Variants in DAB2IP observed in about 807,000 individuals in gnomAD.
DAB2IP encodes DAB2 interacting protein.
DAB2IP carries 28 observed loss-of-function variants against 107.2 expected under a neutral mutation model. The observed-to-expected ratio is 0.26, with a 90% CI of 0.19 to 0.36. The LOEUF is 0.36. Ranked by LOEUF, DAB2IP falls within the 10% of genes least tolerant of loss-of-function variation. The pLI, the probability that DAB2IP is intolerant of heterozygous loss-of-function variation, is 1.00. For synonymous variants in DAB2IP, 755 were observed against 706.4 expected (o/e 1.07, Z -1.09); for missense variants, 1,400 against 1,644.7 (o/e 0.85, Z 2.57).
rs912773896 is a variant in DAB2IP at position 121,633,921 on chromosome 9, G to A, written c.41-44757G>A. Among the ~76,000 whole-genome samples, 1 of 152,178 alleles carries A rather than the reference G, an allele frequency of 6.6e-6. No homozygotes were observed. The highest frequency in any genetic ancestry group is 1.5e-5 in the Non-Finnish European group (1 of 68,020). ...TCTTGGAGTCCTATTCAAAGGCTTG[G>A]CCCAGATGCCACCTCCTCTGTGAAG... On this transcript the variant is annotated intron_variant, in intron 1 of 16. Transcript: ENST00000259371. The surrounding 1 kb of genome is among the most constrained non-coding windows in gnomAD (Gnocchi z 5.1).
intron 1 of DAB2IP, among the ~76,000 whole-genome samples, chr9:121,644,417 C>T (rs1022089454): frequency 2.6e-4 from 39 of 151,726 alleles, no homozygotes; most frequent in Admixed American, 2.0e-3. Flanking sequence ...GCCAACATGG[C>T]GAAACCCCGT....
chr9:121,758,496 G>T (rs936541270), intron 4 of DAB2IP, among the ~76,000 whole-genome samples: 2 of 152,198 alleles, frequency 1.3e-5, no homozygotes, highest in African/African-American at 4.8e-5. Flanking sequence ...CTTGGTTCTT[G>T]TGGTTCCGCC....
intron 2 of DAB2IP, among the ~76,000 whole-genome samples, chr9:121,693,635 G>A (rs1829273343): frequency 6.6e-6 from 1 of 152,234 alleles, no homozygotes. Flanking sequence ...TCCATCCTGA[G>A]TACTGTCTTG....
intron 1 of DAB2IP, among the ~76,000 whole-genome samples, chr9:121,627,635 G>A (rs1831710450): frequency 6.6e-6 from 1 of 152,052 alleles, no homozygotes. Flanking sequence ...ATGAAGAGCG[G>A]GGCTGGGCTA....
In DAB2IP at chr9:121,599,969, T is replaced by C. The variant is rs1830638162; in HGVS notation, c.40+32741T>C. Among the ~76,000 whole-genome samples, 1 of 152,082 alleles carries C rather than the reference T, an allele frequency of 6.6e-6. No homozygotes were observed. ...CCCGCAAGGAAATCTGCGCGATGCA[T>C]TGAGCCTTTAAACTTTCCTGTGCGC... On this transcript the variant is annotated intron_variant, in intron 1 of 16. Coordinates refer to the DAB2IP transcript ENST00000259371. The surrounding 1 kb of genome is among the most constrained non-coding windows in gnomAD (Gnocchi z 6.9).
rs540881838 is a variant in DAB2IP at position 121,684,502 on chromosome 9, T to C, written c.228+5721T>C. The stretch of plus-strand genomic sequence containing the variant: ...TGGGTGTTCTTTGGTCCAACTGCCC[T>C]CGGAGCCCCACGACAGCTCCTTCCC... On this transcript the variant is annotated intron_variant, in intron 2 of 15. Coordinates refer to ENST00000408936, the Ensembl canonical transcript of DAB2IP. The surrounding 1 kb of genome is among the most constrained non-coding windows in gnomAD (Gnocchi z 4.0). Among the ~76,000 whole-genome samples, 1 of 152,284 alleles carries C rather than the reference T, an allele frequency of 6.6e-6. No homozygotes were observed. The highest frequency in any genetic ancestry group is 1.9e-4 in the East Asian group (1 of 5,166).
intron 14 of DAB2IP, among the ~76,000 whole-genome samples, chr9:121,777,914 C>T (rs1010125298): frequency 1.3e-5 from 2 of 152,160 alleles, no homozygotes; most frequent in Non-Finnish European, 2.9e-5. Flanking sequence ...TGAAATCTGC[C>T]TTGTCTGCTA....
At chr9:121,741,266 G>T (rs1238625627) in intron 3 of DAB2IP, among the ~76,000 whole-genome samples, 1 of 152,214 alleles carries the variant, frequency 6.6e-6, no homozygotes, top group African/African-American at 2.4e-5. Context: ...TCTGCAACAG[G>T]CGTGTAGGGT....
chr9:121,578,834 A>T (rs1251876423), intron 1 of DAB2IP, among the ~76,000 whole-genome samples: 3 of 137,592 alleles, frequency 2.2e-5, no homozygotes, highest in African/African-American at 8.4e-5. Context: ...TCCACCTCCC[A>T]GGTTCAAGCT....
At chr9:121,773,094 T>A (rs1834892834) in exon 12 of DAB2IP, 1 of 1,612,374 alleles carries the variant, frequency 6.2e-7, no homozygotes, top group African/African-American at 1.3e-5. Flanking sequence ...GGGCCACAGC[T>A]CCCTGAGCTC....
At chr9:121,603,317 T>G (rs1403593481) in intron 1 of DAB2IP, among the ~76,000 whole-genome samples, 2 of 152,200 alleles carry the variant, frequency 1.3e-5, no homozygotes, top group Non-Finnish European at 2.9e-5. Context: ...GGTGGAGGAA[T>G]CGCCTGCATA....
chr9:121,662,895 A>G lies in DAB2IP; in HGVS notation c.124+10996A>G, dbSNP rs1013830033. ...ATGCCAGCTCTCTGCCAGCCCTGGAATGGGCCCTGCAGATGCAGAGAAAAG... is the reference window on the plus strand; with the variant it reads ...ATGCCAGCTCTCTGCCAGCCCTGGAGTGGGCCCTGCAGATGCAGAGAAAAG... On this transcript the variant is annotated intron_variant, in intron 1 of 15. Transcript: ENST00000408936. The surrounding 1 kb of genome is among the most constrained non-coding windows in gnomAD (Gnocchi z 4.6). Among the ~76,000 whole-genome samples the G allele has an allele frequency of 6.6e-6, 1 of 152,224 alleles. No individual in the cohort carries two copies. Among genetic ancestry groups the G allele is most frequent in the Admixed American group, 6.5e-5 (1 of 15,278 alleles).
chr9:121,612,243 G>A (rs530181624), intron 1 of DAB2IP, among the ~76,000 whole-genome samples: 132 of 152,144 alleles, frequency 8.7e-4, no homozygotes, highest in African/African-American at 3.0e-3. Context: ...GCTTAAGTCC[G>A]GGAGGAGGTT....
At chr9:121,753,766 T>TC (rs1833292197) in intron 3 of DAB2IP, among the ~76,000 whole-genome samples, 1 of 152,192 alleles carries the variant, frequency 6.6e-6, no homozygotes, top group African/African-American at 2.4e-5. Flanking sequence ...AGGCATCCCT[T>TC]CCTGGGAGTG....
At chr9:121,577,952 A>G (rs1830103052) in intron 1 of DAB2IP, among the ~76,000 whole-genome samples, 1 of 152,074 alleles carries the variant, frequency 6.6e-6, no homozygotes, top group Non-Finnish European at 1.5e-5. Flanking sequence ...TCCTGCCTCC[A>G]GGCGGGGGTA....
In DAB2IP at chr9:121,750,721, A is replaced by G. The variant is rs565802939; in HGVS notation, c.363-6292A>G. Among the ~76,000 whole-genome samples, 16 of 152,194 alleles carry G rather than the reference A, an allele frequency of 1.1e-4. No individual in the cohort carries two copies. The South Asian group carries it at 1.2e-3, about 12-fold the overall frequency. ...TCAAGTAGGGATTTTTAATTACTGTAAGTTTCGGTTTGGGGTCCTTTCCCT... is the reference window on the plus strand; with the variant it reads ...TCAAGTAGGGATTTTTAATTACTGTGAGTTTCGGTTTGGGGTCCTTTCCCT... On this transcript the variant is annotated intron_variant, in intron 3 of 15. Coordinates refer to ENST00000408936, the Ensembl canonical transcript of DAB2IP.
chr9:121,725,747 G>A (rs543931312), intron 3 of DAB2IP, among the ~76,000 whole-genome samples: 1 of 152,310 alleles, frequency 6.6e-6, no homozygotes, highest in South Asian at 2.1e-4. Flanking sequence ...TTTTGGGCAT[G>A]CCAGGTAGTT....
Position 121,782,418 on chromosome 9 carries a change from C to T in DAB2IP, c.3490C>T (p.Arg1164Cys), listed in dbSNP as rs117152313. The change falls in exon 16 of 16, where the codon CGT becomes TGT. Residue 1164 changes from arginine to cysteine, a missense_variant. Physicochemically the swap from Arg to Cys is radical, Grantham distance 180. Around this residue, in one of 3 missense-constraint regions of DAB2IP, gnomAD observed 600 missense variants for 659.1 expected, o/e 0.91. Transcript: ENST00000408936. The surrounding 1 kb of genome is among the most constrained non-coding windows in gnomAD (Gnocchi z 6.1). ...GAAAGAGAGGTACAGCATGCAAGCC[C>T]GTAACGGCATCTCCCCCACCAACCC... is the stretch of plus-strand genomic sequence containing the variant. 1.3e-3 allele frequency: 2,025 copies of T among 1,614,114 alleles called. 54 individuals carry two copies. The East Asian group carries it at 0.038, about 30-fold the overall frequency.
chr9:121,590,581 A>G (rs1431709714), intron 1 of DAB2IP, among the ~76,000 whole-genome samples: 2 of 152,314 alleles, frequency 1.3e-5, no homozygotes, highest in Admixed American at 1.3e-4. Context: ...AATAGATACT[A>G]GAACCTTTTC....
Sources: allele counts gnomAD v4.1 joint callset (sites outside exome capture counted in the v4.1 genomes callset), GRCh38; gene constraint gnomAD v4.1.1; regional missense constraint gnomAD v4.1.1; non-coding constraint Gnocchi (gnomAD v3.1); transcripts MANE v1.5; gene names NCBI Gene and HGNC (gene_info 2026-07-23, HGNC 2026-07-21).